RBPJ: variants seen among roughly 807,000 people sequenced by gnomAD.
The protein encoded by RBPJ is recombining binding protein suppressor of hairless.
In RBPJ, 9 loss-of-function variants were observed where a neutral mutation model predicts 67.8. The ratio of observed to expected loss-of-function variants is 0.13; its 90% CI spans 0.08 to 0.23. RBPJ has a LOEUF of 0.23. RBPJ is among the 10% of genes least tolerant of loss of function. RBPJ has a pLI of 1.00. For synonymous variants in RBPJ, 198 were observed against 203.3 expected (o/e 0.97, Z 0.22); for missense variants, 305 against 595.6 (o/e 0.51, Z 5.08).
intron 1 of RBPJ, among the ~76,000 whole-genome samples, chr4:26,250,428 T>C (rs1197982528): frequency 6.6e-6 from 1 of 150,452 alleles, no homozygotes; most frequent in African/African-American, 2.5e-5. Context: ...TTCTCCTAGA[T>C]TCAAGTGATT....
At chr4:26,353,400 CT>C (rs1727006625) in intron 1 of RBPJ, among the ~76,000 whole-genome samples, 1 of 152,168 alleles carries the variant, frequency 6.6e-6, no homozygotes, top group Admixed American at 6.5e-5. Context: ...GCTTTGAATT[CT>C]GGTTCTGCCA....
chr4:26,313,866 A>G (rs558020581), intron 1 of RBPJ, among the ~76,000 whole-genome samples: 1 of 152,288 alleles, frequency 6.6e-6, no homozygotes, highest in African/African-American at 2.4e-5. Flanking sequence ...AAATAATTCT[A>G]CTAAAGTAGA....
At chr4:26,255,403 CAAAAAAA>C (rs766336628) in intron 1 of RBPJ, among the ~76,000 whole-genome samples, 2 of 34,546 alleles carry the variant, frequency 5.8e-5, no homozygotes, top group Non-Finnish European at 1.0e-4. Flanking sequence ...GACTCCGTCT[CAAAAAAA>C]AAAAAAAAAA....
intron 1 of RBPJ, among the ~76,000 whole-genome samples, chr4:26,263,333 T>G (rs1720602850): frequency 1.8e-5 from 2 of 109,284 alleles, no homozygotes; most frequent in Admixed American, 2.8e-4. Flanking sequence ...ACCCCGTGCA[T>G]CACTTCCACT....
chr4:26,267,542 A>G (rs1720741722), intron 1 of RBPJ, among the ~76,000 whole-genome samples: 1 of 152,108 alleles, frequency 6.6e-6, no homozygotes. Context: ...CTGGCAGGAA[A>G]CTTCACAATT....
At chr4:26,358,603 A>G (rs986874572) in intron 1 of RBPJ, among the ~76,000 whole-genome samples, 1 of 137,356 alleles carries the variant, frequency 7.3e-6, no homozygotes, top group African/African-American at 2.9e-5. Flanking sequence ...GCAAGACCCC[A>G]TCTCTGCAAA....
chr4:26,406,323 C>T lies in RBPJ; in HGVS notation c.155+53C>T, dbSNP rs151303220. On this transcript the variant is annotated intron_variant, in intron 3 of 10. Transcript: ENST00000355476. The stretch of plus-strand genomic sequence containing the variant: ...AATTGTAGTTACCACATGAATTTGC[C>T]AATTATGTATTAATATACATGTCAG... 4,475 of 1,151,634 alleles carry T rather than the reference C, an allele frequency of 3.9e-3. 17 individuals carry two copies. Among genetic ancestry groups the T allele is most frequent in the Middle Eastern group, 0.022 (76 of 3,508 alleles). The allele number at this position is 1,151,634 out of a possible 1,614,324, so 71.3% of individuals were successfully genotyped here.
At chr4:26,300,760 C>A (rs1356875383) in intron 1 of RBPJ, among the ~76,000 whole-genome samples, 1 of 152,212 alleles carries the variant, frequency 6.6e-6, no homozygotes, top group Admixed American at 6.5e-5. Context: ...TTAGTAACAG[C>A]CCCTGGCTCA....
chr4:26,344,865 T>G (rs900310178), intron 1 of RBPJ, among the ~76,000 whole-genome samples: 1 of 152,206 alleles, frequency 6.6e-6, no homozygotes, highest in Non-Finnish European at 1.5e-5. Context: ...TAGATTCACA[T>G]TCTTCTTAAA....
chr4:26,340,017 TA>T (rs373424390), intron 1 of RBPJ, among the ~76,000 whole-genome samples: 243 of 142,798 alleles, frequency 1.7e-3, no homozygotes, highest in Middle Eastern at 3.6e-3. Context: ...AGACTCCATC[TA>T]AAAAAAAAAA....
At chr4:26,248,321 C>G (rs1255316110) in intron 1 of RBPJ, among the ~76,000 whole-genome samples, 1 of 152,064 alleles carries the variant, frequency 6.6e-6, no homozygotes, top group Non-Finnish European at 1.5e-5. Context: ...ATAAAATATA[C>G]CCAGTCATTC....
At chr4:26,316,827 CTT>C (rs56130072), upstream of RBPJ, among the ~76,000 whole-genome samples, 8 of 71,392 alleles carry the variant, frequency 1.1e-4, 1 homozygote, top group African/African-American at 3.9e-4. Flanking sequence ...ACCCAGACGA[CTT>C]TTTTTTTTTT....
intron 1 of RBPJ, among the ~76,000 whole-genome samples, chr4:26,173,152 T>C (rs1716656741): frequency 6.6e-6 from 1 of 152,190 alleles, no homozygotes; most frequent in Non-Finnish European, 1.5e-5. Context: ...TTTTCTTTTT[T>C]TGAGACAGAG....
At chr4:26,283,314 G>A (rs1456672638) in intron 1 of RBPJ, among the ~76,000 whole-genome samples, 2 of 151,916 alleles carry the variant, frequency 1.3e-5, no homozygotes, top group African/African-American at 2.4e-5. Flanking sequence ...GGAGGCCGAG[G>A]TGGGTGGATC....
chr4:26,317,148 G>A (rs1291837506), upstream of RBPJ, among the ~76,000 whole-genome samples: 2 of 151,418 alleles, frequency 1.3e-5, no homozygotes, highest in Admixed American at 6.6e-5. Context: ...CAACACACAA[G>A]TATGATAAAT....
chr4:26,320,667 G>T (rs902655308), upstream of RBPJ: 2 of 1,447,826 alleles, frequency 1.4e-6, no homozygotes. Context: ...TCCATTCCTC[G>T]TCCCCGTAGT....
At chr4:26,327,498 T>C (rs2109343886) in intron 1 of RBPJ, among the ~76,000 whole-genome samples, 1 of 151,928 alleles carries the variant, frequency 6.6e-6, no homozygotes, top group Middle Eastern at 3.4e-3. Context: ...TGCATCTATT[T>C]GATGTGAAGC....
chr4:26,137,289 C>G, the RBPJ span, among the ~76,000 whole-genome samples: 2 of 152,124 alleles, frequency 1.3e-5, no homozygotes, highest in East Asian at 3.9e-4. Context: ...ATCTTGTCCC[C>G]CAAAGTTGTA....
chr4:26,146,001 A>T, the RBPJ span, among the ~76,000 whole-genome samples: 1 of 152,070 alleles, frequency 6.6e-6, no homozygotes, highest in South Asian at 2.1e-4. Context: ...CAATCGTATG[A>T]TCATAGGTCA....
Sources: gnomAD v4.1 joint callset for allele counts (sites outside exome capture counted in the v4.1 genomes callset) on GRCh38, gnomAD v4.1.1 for gene constraint, MANE v1.5 for transcripts, NCBI Gene and HGNC (gene_info 2026-07-23, HGNC 2026-07-21) for gene names.